CCDC102B: variants seen among roughly 807,000 people sequenced by gnomAD.
CCDC102B encodes coiled-coil domain-containing protein 102B.
A neutral mutation model predicts 57.4 loss-of-function variants in CCDC102B; 75 were observed. The observed-to-expected ratio is 1.31, with a 90% CI of 1.08 to 1.58. The LOEUF (loss-of-function observed/expected upper bound fraction) is 1.58. CCDC102B is among the 40% of genes most tolerant of loss of function. The pLI, the probability that CCDC102B is intolerant of heterozygous loss-of-function variation, is 0.00. For synonymous variants in CCDC102B, 206 were observed against 201.9 expected (o/e 1.02, Z -0.17); for missense variants, 636 against 582.6 (o/e 1.09, Z -0.94).
chr18:68,866,600 T>A (rs1403061640), intron 4 of CCDC102B: 1 of 298,754 alleles, frequency 3.3e-6, no homozygotes, highest in African/African-American at 2.2e-5. Flanking sequence ...GAAAAGCTGC[T>A]CCTTTGGGAA....
intron 2 of CCDC102B, 135 bp from the exon 3 acceptor site, chr18:68,838,571 C>CT: frequency 6.9e-7 from 1 of 1,439,006 alleles, no homozygotes; most frequent in South Asian, 1.5e-5. Flanking sequence ...CCACACAACA[C>CT]TTTCAGGGAA....
chr18:68,833,747 A>G (rs901582463), intron 1 of CCDC102B, among the ~76,000 whole-genome samples: 1 of 152,148 alleles, frequency 6.6e-6, no homozygotes, highest in African/African-American at 2.4e-5. Context: ...GCAACAAATA[A>G]TATTTTTTAG....
At chr18:68,923,378 C>A (rs571945493) in intron 6 of CCDC102B, among the ~76,000 whole-genome samples, 18 of 151,708 alleles carry the variant, frequency 1.2e-4, no homozygotes, top group Middle Eastern at 3.4e-3. Context: ...TAATAAAATA[C>A]CTATGCAAAC....
chr18:68,928,217 G>A (rs113574321), intron 6 of CCDC102B, among the ~76,000 whole-genome samples: 1 of 151,876 alleles, frequency 6.6e-6, no homozygotes, highest in African/African-American at 2.4e-5. Flanking sequence ...TTACGGTTTC[G>A]AGTACTATAC....
At chr18:68,971,317 G>C (rs1351697387) in intron 6 of CCDC102B, among the ~76,000 whole-genome samples, 1 of 151,808 alleles carries the variant, frequency 6.6e-6, no homozygotes, top group East Asian at 1.9e-4. Context: ...TACTTTGCAG[G>C]CTTATGTTCG....
At position 68,969,734 on chromosome 18, in the gene CCDC102B, A is replaced by C. The variant is rs535260508; in HGVS notation, c.1264-41200A>C. Among the ~76,000 whole-genome samples, 181 of 152,078 alleles carry C rather than the reference A, an allele frequency of 1.2e-3. 1 individual carries two copies. Among genetic ancestry groups the C allele is most frequent in the African/African-American group, 4.2e-3 (176 of 41,496 alleles). ...TTCTCCAATTTCATAGTTTGACATA[A>C]AATATTCTTAGTATTTTTAACTATG... On this transcript the variant is annotated intron_variant, in intron 6 of 7. Transcript: ENST00000360242.
intron 6 of CCDC102B, among the ~76,000 whole-genome samples, chr18:68,959,099 T>C (rs2049981446): frequency 6.6e-6 from 1 of 152,160 alleles, no homozygotes; most frequent in Non-Finnish European, 1.5e-5. Context: ...AGTTATTTAT[T>C]GTAGTTTTCG....
At chr18:69,016,080 GTC>G (rs910504013) in intron 7 of CCDC102B, among the ~76,000 whole-genome samples, 2 of 147,924 alleles carry the variant, frequency 1.4e-5, no homozygotes, top group Non-Finnish European at 3.0e-5. Context: ...AGCCAGGATG[GTC>G]TCGATCTCCT....
At chr18:69,001,861 T>C (rs906180552) in intron 6 of CCDC102B, among the ~76,000 whole-genome samples, 1 of 152,206 alleles carries the variant, frequency 6.6e-6, no homozygotes, top group Non-Finnish European at 1.5e-5. Flanking sequence ...TGATTAATAT[T>C]CATCCCCTTG....
chr18:69,003,102 T>C (rs111328462), intron 6 of CCDC102B, among the ~76,000 whole-genome samples: 4,496 of 152,070 alleles, frequency 0.03, 93 homozygotes, highest in Non-Finnish European at 0.049. Flanking sequence ...TCTCAAAATA[T>C]TTTTTTTCCC....
chr18:68,882,353 C>T (rs1423456956), intron 5 of CCDC102B, among the ~76,000 whole-genome samples: 3 of 152,108 alleles, frequency 2.0e-5, no homozygotes, highest in Non-Finnish European at 4.4e-5. Flanking sequence ...TTTCTCACTC[C>T]AAGCCCAAAA....
At chr18:68,942,932 T>TGAG (rs1568343863) in intron 6 of CCDC102B, among the ~76,000 whole-genome samples, 2 of 87,016 alleles carry the variant, frequency 2.3e-5, no homozygotes, top group South Asian at 3.5e-4. Context: ...CAGAGGTCCC[T>TGAG]GCGGCCTTCC....
chr18:68,928,350 C>T (rs1367294276), intron 6 of CCDC102B, among the ~76,000 whole-genome samples: 1 of 151,744 alleles, frequency 6.6e-6, no homozygotes, highest in East Asian at 1.9e-4. Context: ...AGAACAAATA[C>T]GAGACTCATC....
Position 68,774,770 on chromosome 18 carries a change from A to G in CCDC102B, c.-66-48596A>G, listed in dbSNP as rs74864024. Among the ~76,000 whole-genome samples, 384 of 152,096 alleles carry G rather than the reference A, an allele frequency of 2.5e-3. 2 individuals carry two copies. The highest frequency in any genetic ancestry group is 8.9e-3 in the African/African-American group (370 of 41,548). On this transcript the variant is annotated intron_variant, in intron 2 of 3. Coordinates refer to the CCDC102B transcript ENST00000578970. ...ACATGGTCTCAAAGTTGAAACTACA[A>G]AAGAGGTAAAATCAAAATTTAACTT...
intron 6 of CCDC102B, among the ~76,000 whole-genome samples, chr18:68,996,278 G>A (rs2363248): frequency 0.86 from 130,496 of 152,016 alleles, 57,932 homozygotes; most frequent in Non-Finnish European, 0.97. Flanking sequence ...TTTCTCCCAT[G>A]CTGGATGCTT....
At chr18:68,902,141 C>G (rs2040477266) in intron 6 of CCDC102B, 1 of 152,144 alleles carries the variant, frequency 6.6e-6, no homozygotes, top group South Asian at 2.1e-4. Flanking sequence ...TACTCTACTA[C>G]CAGAGTTATT....
At chr18:68,792,451 A>G (rs1212399425) in intron 2 of CCDC102B, among the ~76,000 whole-genome samples, 2 of 152,210 alleles carry the variant, frequency 1.3e-5, no homozygotes, top group African/African-American at 4.8e-5. Context: ...GAATTTACTT[A>G]ATGTTCATAT....
chr18:68,969,129 A>G lies in CCDC102B; in HGVS notation c.1264-41805A>G, dbSNP rs189904635. On this transcript the variant is annotated intron_variant, in intron 6 of 7. Transcript: ENST00000360242. ...TTGGATGGCCACCCCTAGAGAGAGC[A>G]TGCTTATTTTCCTTAACAAAAACCA... is the stretch of plus-strand genomic sequence containing the variant. Among the ~76,000 whole-genome samples, 60 of 152,304 alleles carry G rather than the reference A, an allele frequency of 3.9e-4. No homozygotes were observed. The East Asian group carries it at 7.9e-3, about 20-fold the overall frequency.
intron 6 of CCDC102B, among the ~76,000 whole-genome samples, chr18:69,009,854 G>C (rs1206292799): frequency 1.4e-5 from 2 of 146,546 alleles, no homozygotes; most frequent in African/African-American, 5.0e-5. Context: ...AAATATCCTT[G>C]GGTTTTCCTA....
Sources: gnomAD v4.1 joint callset for allele counts (sites outside exome capture counted in the v4.1 genomes callset) on GRCh38, gnomAD v4.1.1 for gene constraint, MANE v1.5 for transcripts, NCBI Gene and HGNC (gene_info 2026-07-23, HGNC 2026-07-21) for gene names.